The following PPP1R16B variants were observed in gnomAD, a reference collection of about 807,000 sequenced individuals.
PPP1R16B encodes the protein protein phosphatase 1 regulatory subunit 16B.
PPP1R16B carries 14 observed loss-of-function variants against 61.7 expected under a neutral mutation model. The ratio of observed to expected loss-of-function variants is 0.23; its 90% CI spans 0.15 to 0.35. The LOEUF (loss-of-function observed/expected upper bound fraction) is 0.35. Among genes scored for constraint, PPP1R16B ranks in the 10% least tolerant of loss-of-function variants. PPP1R16B has a pLI of 1.00. For missense variants in PPP1R16B, 547 were observed against 752.5 expected (o/e 0.73, Z 3.19); for synonymous variants, 266 against 305.3 (o/e 0.87, Z 1.34).
intron 4 of PPP1R16B, among the ~76,000 whole-genome samples, chr20:38,896,010 C>A (rs1601298292): frequency 7.4e-6 from 1 of 134,500 alleles, no homozygotes; most frequent in Non-Finnish European, 1.6e-5. Context: ...TCCCTTCCCC[C>A]CTTCCTTCTT....
rs138564010 is a variant in PPP1R16B, at chr20:38,907,066, A to G, written c.898+12A>G. 3.1e-6 allele frequency: 5 copies of G among 1,602,950 alleles called. No homozygotes were observed. The East Asian group carries it at 1.1e-4, about 36-fold the overall frequency. On this transcript the variant is annotated intron_variant, in intron 8 of 10. Coordinates refer to ENST00000299824, the MANE Select transcript of PPP1R16B (RefSeq NM_015568.4). This position sits in a 1 kb window ranked among gnomAD's most constrained non-coding sequence, Gnocchi z 4.5. ...TGAGATGCCAATAGGTAAGTCCAGC[A>G]CAATAGCTGGTGTGCACAAATAGGC...
chr20:38,912,710 C>T (rs1397338478), intron 10 of PPP1R16B, among the ~76,000 whole-genome samples: 1 of 151,944 alleles, frequency 6.6e-6, no homozygotes, highest in Non-Finnish European at 1.5e-5. Context: ...TGTAGATTCT[C>T]AGGACCCACT....
At chr20:38,847,170 C>T (rs997351823) in intron 2 of PPP1R16B, among the ~76,000 whole-genome samples, 17 of 152,172 alleles carry the variant, frequency 1.1e-4, no homozygotes, top group African/African-American at 2.2e-4. Flanking sequence ...GCTATCTCCC[C>T]ACCTCATCAC....
At chr20:38,896,202 C>T (rs1243604086) in intron 4 of PPP1R16B, among the ~76,000 whole-genome samples, 4 of 135,596 alleles carry the variant, frequency 2.9e-5, no homozygotes, top group Non-Finnish European at 6.3e-5. Flanking sequence ...TTCTTTCTTC[C>T]CTCCCTCTCT....
intron 2 of PPP1R16B, among the ~76,000 whole-genome samples, chr20:38,852,768 T>TTTTC (rs1601257219): frequency 1.6e-5 from 1 of 62,336 alleles, no homozygotes. Flanking sequence ...TTTTTTTTTT[T>TTTTC]GCGGGGGGTG....
Position 38,896,002 on chromosome 20 carries a change from C to CCTCCTTTCTTCTTTCTTCCCTCA in PPP1R16B, c.467+294_467+295insCCTTTCTTCTTTCTTCCCTCACT, listed in dbSNP as rs1568679211. ...TCCCTCCTTCCTTCTTTCTCTCCTC[C>CCTCCTTTCTTCTTTCTTCCCTCA]CTTCCCCCCTTCCTTCTTTCTTTCC... On this transcript the variant is annotated intron_variant, in intron 4 of 10. Transcript: ENST00000299824. 9.5e-4 allele frequency among the ~76,000 whole-genome samples: 95 copies of CCTCCTTTCTTCTTTCTTCCCTCA among 100,484 alleles called. 8 individuals are homozygous for CCTCCTTTCTTCTTTCTTCCCTCA. The highest frequency in any genetic ancestry group is 2.6e-3 in the African/African-American group (50 of 19,472). The allele number at this position is 100,484 out of a possible 152,430, so 65.9% of individuals were successfully genotyped here.
At chr20:38,847,866 A>C (rs530676967) in intron 2 of PPP1R16B, among the ~76,000 whole-genome samples, 1 of 152,110 alleles carries the variant, frequency 6.6e-6, no homozygotes, top group East Asian at 1.9e-4. Context: ...GTTTATAGTA[A>C]TTTTTTATGC....
chr20:38,856,372 T>G (rs1039435296), intron 2 of PPP1R16B, among the ~76,000 whole-genome samples: 4 of 152,204 alleles, frequency 2.6e-5, no homozygotes, highest in Admixed American at 6.5e-5. Flanking sequence ...CCTTAGGTCT[T>G]GCTGCTGAGA....
chr20:38,839,372 G>GT (rs1390208902), intron 2 of PPP1R16B, among the ~76,000 whole-genome samples: 3 of 152,152 alleles, frequency 2.0e-5, no homozygotes, highest in African/African-American at 7.2e-5. Context: ...ATTTTGTTTT[G>GT]TTTTTTACAG....
chr20:38,840,661 A>G (rs2084903869), intron 2 of PPP1R16B, among the ~76,000 whole-genome samples: 1 of 152,206 alleles, frequency 6.6e-6, no homozygotes, highest in African/African-American at 2.4e-5. Flanking sequence ...GGCCCTGGTT[A>G]AAGTAGCAAC....
intron 2 of PPP1R16B, among the ~76,000 whole-genome samples, chr20:38,855,052 G>A (rs930110466): frequency 6.6e-6 from 1 of 152,098 alleles, no homozygotes; most frequent in Non-Finnish European, 1.5e-5. Flanking sequence ...GAAAGGCTTT[G>A]GCCACCCCTC....
At chr20:38,867,462 G>T (rs574557287) in intron 2 of PPP1R16B, among the ~76,000 whole-genome samples, 2 of 152,252 alleles carry the variant, frequency 1.3e-5, no homozygotes, top group South Asian at 2.1e-4. Flanking sequence ...GTGAACTTGG[G>T]CAAACCATTC....
At chr20:38,841,426 G>T (rs367809903) in intron 2 of PPP1R16B, among the ~76,000 whole-genome samples, 3 of 151,046 alleles carry the variant, frequency 2.0e-5, no homozygotes, top group African/African-American at 4.9e-5. Flanking sequence ...TACTTGGAAG[G>T]CTTAGGCAGG....
chr20:38,910,539 GT>G (rs1364801029), intron 10 of PPP1R16B, among the ~76,000 whole-genome samples: 1,197 of 106,962 alleles, frequency 0.011, 18 homozygotes, highest in African/African-American at 0.039. Context: ...GTTTTTTTTT[GT>G]TTTTTTTTTT....
At chr20:38,856,737 T>A (rs4812324) in intron 2 of PPP1R16B, among the ~76,000 whole-genome samples, 98,076 of 152,154 alleles carry the variant, frequency 0.64, 31,900 homozygotes, top group African/African-American at 0.71. Context: ...ATAGGAACCG[T>A]TAGTAACCCC....
chr20:38,866,576 G>A (rs2085092039), intron 2 of PPP1R16B, among the ~76,000 whole-genome samples: 1 of 152,158 alleles, frequency 6.6e-6, no homozygotes. Context: ...GATGTCTGGG[G>A]TGTGAGGCAA....
At chr20:38,880,612 T>C (rs1176238849) in intron 2 of PPP1R16B, among the ~76,000 whole-genome samples, 1 of 152,136 alleles carries the variant, frequency 6.6e-6, no homozygotes, top group African/African-American at 2.4e-5. Flanking sequence ...GAGGCTGCAG[T>C]GAGCTTGATC....
chr20:38,916,403 T>A (rs1039945795), intron 10 of PPP1R16B, among the ~76,000 whole-genome samples: 1 of 148,538 alleles, frequency 6.7e-6, no homozygotes, highest in South Asian at 2.1e-4. Flanking sequence ...TATATATGTA[T>A]GTTATATATA....
intron 1 of PPP1R16B, among the ~76,000 whole-genome samples, chr20:38,814,551 A>G (rs540705115): frequency 6.6e-6 from 1 of 152,312 alleles, no homozygotes; most frequent in East Asian, 1.9e-4. Context: ...GGTAGGAGGT[A>G]CCTGATACAT....
Sources: gnomAD v4.1 joint callset for allele counts (sites outside exome capture counted in the v4.1 genomes callset) on GRCh38, gnomAD v4.1.1 for gene constraint, Gnocchi (gnomAD v3.1) non-coding constraint, MANE v1.5 for transcripts, NCBI Gene and HGNC (gene_info 2026-07-23, HGNC 2026-07-21) for gene names.